The following ASTN2 variants were observed in gnomAD, a reference collection of about 807,000 sequenced individuals.
ASTN2 encodes astrotactin 2, also known as astrotactin-2.
Under a neutral mutation model 139.8 loss-of-function variants are expected in ASTN2, and 54 were observed. The ratio of observed to expected loss-of-function variants is 0.39; its 90% CI spans 0.31 to 0.48. ASTN2 has a LOEUF of 0.48. Among genes scored for constraint, ASTN2 ranks in the 20% least tolerant of loss-of-function variants. The probability of loss-of-function intolerance (pLI) is 0.95; values close to 1 mark genes in which losing one functional copy is unlikely to be tolerated. For synonymous variants in ASTN2, 756 were observed against 719.5 expected (o/e 1.05, Z -0.81); for missense variants, 1,565 against 1,725.1 (o/e 0.91, Z 1.64).
chr9:117,147,705 A>G (rs1442468627), intron 3 of ASTN2, among the ~76,000 whole-genome samples: 1 of 152,166 alleles, frequency 6.6e-6, no homozygotes, highest in South Asian at 2.1e-4. Flanking sequence ...CTGGAAAGTT[A>G]AGTATTAATA....
intron 22 of ASTN2, among the ~76,000 whole-genome samples, chr9:116,433,671 A>G (rs1311712008): frequency 6.6e-6 from 1 of 152,238 alleles, no homozygotes; most frequent in Non-Finnish European, 1.5e-5. Flanking sequence ...AACTTGTGCA[A>G]TGAAGCCATG....
intron 6 of ASTN2, among the ~76,000 whole-genome samples, chr9:117,012,811 CTTT>C (rs1220311482): frequency 3.3e-5 from 5 of 152,162 alleles, no homozygotes; most frequent in African/African-American, 1.2e-4. Flanking sequence ...CTCTTAATCT[CTTT>C]ATTATTTGCA....
intron 2 of ASTN2, among the ~76,000 whole-genome samples, chr9:117,223,628 C>A (rs574216488): frequency 2.0e-5 from 3 of 152,142 alleles, no homozygotes; most frequent in Non-Finnish European, 2.9e-5. Flanking sequence ...ATACAAGATA[C>A]CAGCATGTAA....
intron 7 of ASTN2, among the ~76,000 whole-genome samples, chr9:117,005,737 C>T (rs573685808): frequency 5.3e-5 from 6 of 113,088 alleles, no homozygotes; most frequent in African/African-American, 1.9e-4. Flanking sequence ...GTACATACTT[C>T]TCTCTCTCTC....
intron 16 of ASTN2, among the ~76,000 whole-genome samples, chr9:116,659,342 T>C (rs1858419769): frequency 6.6e-6 from 1 of 152,150 alleles, no homozygotes; most frequent in South Asian, 2.1e-4. Flanking sequence ...GGTAAATATA[T>C]GAACAAATGA....
At chr9:117,347,315 T>A (rs1829249737) in intron 1 of ASTN2, among the ~76,000 whole-genome samples, 1 of 152,040 alleles carries the variant, frequency 6.6e-6, no homozygotes, top group African/African-American at 2.4e-5. Flanking sequence ...AGCGCACACA[T>A]AGATGGCTGT....
intron 20 of ASTN2, among the ~76,000 whole-genome samples, chr9:116,450,075 A>T (rs560856461): frequency 6.6e-6 from 1 of 152,334 alleles, no homozygotes; most frequent in Non-Finnish European, 1.5e-5. Flanking sequence ...TTGTTGTGTC[A>T]TCAATAGTAA....
At chr9:116,706,221 A>AAAT (rs1333720802) in intron 16 of ASTN2, among the ~76,000 whole-genome samples, 1 of 152,124 alleles carries the variant, frequency 6.6e-6, no homozygotes, top group African/African-American at 2.4e-5. Context: ...AAAAATTCTG[A>AAAT]AATAATATCA....
At chr9:116,796,339 G>A (rs1830687362) in intron 13 of ASTN2, among the ~76,000 whole-genome samples, 1 of 152,100 alleles carries the variant, frequency 6.6e-6, no homozygotes, top group Non-Finnish European at 1.5e-5. Context: ...TGGAAATACT[G>A]GTAAAAATTC....
chr9:116,733,176 A>C (rs894710066), intron 14 of ASTN2, among the ~76,000 whole-genome samples: 4 of 152,252 alleles, frequency 2.6e-5, no homozygotes, highest in Admixed American at 1.3e-4. Flanking sequence ...CCTCCTCTCA[A>C]AGATGACTGC....
chr9:116,896,370 C>T lies in ASTN2; in HGVS notation c.1890-32637G>A, dbSNP rs112319271. ...TTTTTTTATGAGATGGAGTTTCCCT[C>T]TTGTTGCCCAGGCTGGAGTGCAATG... On this transcript the variant is annotated intron_variant, in intron 10 of 22. Transcript: ENST00000313400. Among the ~76,000 whole-genome samples the T allele has an allele frequency of 9.1e-3, 1,387 of 152,188 alleles. 19 individuals carry two copies. Among genetic ancestry groups the T allele is most frequent in the African/African-American group, 0.032 (1,310 of 41,528 alleles).
intron 19 of ASTN2, among the ~76,000 whole-genome samples, chr9:116,520,757 G>C (rs1377364025): frequency 6.6e-6 from 1 of 152,010 alleles, no homozygotes; most frequent in African/African-American, 2.4e-5. Flanking sequence ...AAACTCTAAA[G>C]ACTCATCCAA....
At chr9:117,228,580 G>A (rs573995566) in intron 2 of ASTN2, among the ~76,000 whole-genome samples, 20 of 152,206 alleles carry the variant, frequency 1.3e-4, no homozygotes, top group African/African-American at 4.3e-4. Flanking sequence ...AGAGAGAGGA[G>A]TCAATGGGAG....
intron 22 of ASTN2, among the ~76,000 whole-genome samples, chr9:116,439,616 A>G (rs576713761): frequency 6.6e-6 from 1 of 152,214 alleles, no homozygotes; most frequent in Admixed American, 6.5e-5. Flanking sequence ...AGTTGAGAAG[A>G]AAACTTCCAC....
At chr9:117,204,203 G>A (rs1326834187) in intron 3 of ASTN2, among the ~76,000 whole-genome samples, 1 of 152,192 alleles carries the variant, frequency 6.6e-6, no homozygotes, top group Non-Finnish European at 1.5e-5. Flanking sequence ...TAGCCTCCCT[G>A]GCTCCACAAA....
intron 19 of ASTN2, among the ~76,000 whole-genome samples, chr9:116,551,458 A>G (rs1008396678): frequency 1.3e-5 from 2 of 152,144 alleles, no homozygotes; most frequent in African/African-American, 4.8e-5. Context: ...TGTTTGAGAG[A>G]GTAACAGCAA....
At chr9:116,745,722 A>G (rs1829216714) in intron 13 of ASTN2, among the ~76,000 whole-genome samples, 1 of 152,152 alleles carries the variant, frequency 6.6e-6, no homozygotes, top group Non-Finnish European at 1.5e-5. Context: ...CCTGTTAACT[A>G]TGCTTTCTGA....
intron 19 of ASTN2, chr9:116,582,611 T>C (rs1011594345): frequency 1.3e-5 from 2 of 152,238 alleles, no homozygotes; most frequent in African/African-American, 4.8e-5. Context: ...CCTTTGTTTG[T>C]TTATTCTTCC....
intron 11 of ASTN2, among the ~76,000 whole-genome samples, chr9:116,827,847 C>A (rs1485507789): frequency 6.6e-6 from 1 of 152,060 alleles, no homozygotes; most frequent in East Asian, 1.9e-4. Flanking sequence ...TGAAACAATC[C>A]CAAAAAAATG....
Sources: allele counts gnomAD v4.1 joint callset (sites outside exome capture counted in the v4.1 genomes callset), GRCh38; gene constraint gnomAD v4.1.1; transcripts MANE v1.5; gene names NCBI Gene and HGNC (gene_info 2026-07-23, HGNC 2026-07-21).